The following NELL2 variants were observed in gnomAD, a reference collection of about 807,000 sequenced individuals.
The protein encoded by NELL2 is protein kinase C-binding protein NELL2.
A neutral mutation model predicts 109.6 loss-of-function variants in NELL2; 41 were observed. That is an observed-to-expected ratio of 0.37 (90% CI 0.29 to 0.49). The LOEUF is 0.49. Ranked by LOEUF, NELL2 falls within the 20% of genes least tolerant of loss-of-function variation. The pLI is 0.98. For missense variants in NELL2, 900 were observed against 1,008.3 expected (o/e 0.89, Z 1.45); for synonymous variants, 355 against 344.7 (o/e 1.03, Z -0.33).
intron 15 of NELL2, among the ~76,000 whole-genome samples, chr12:44,562,622 A>T (rs1228229917): frequency 6.6e-6 from 1 of 152,250 alleles, no homozygotes; most frequent in East Asian, 1.9e-4. Context: ...ATGAGATACA[A>T]TTTCACACCA....
chr12:44,627,817 G>A (rs752925600), intron 13 of NELL2, among the ~76,000 whole-genome samples: 3 of 152,170 alleles, frequency 2.0e-5, no homozygotes, highest in Non-Finnish European at 4.4e-5. Flanking sequence ...AAGCTCTTCT[G>A]CAAGTACATT....
At chr12:44,692,014 T>A (rs759837621) in intron 12 of NELL2, among the ~76,000 whole-genome samples, 11 of 152,194 alleles carry the variant, frequency 7.2e-5, no homozygotes, top group African/African-American at 9.7e-5. Flanking sequence ...CCAAGTTAGC[T>A]ACACTAAACA....
intron 3 of NELL2, among the ~76,000 whole-genome samples, chr12:44,797,959 T>G (rs77899939): frequency 0.013 from 470 of 35,184 alleles, 29 homozygotes; most frequent in African/African-American, 0.025. Context: ...TGGAATAAAA[T>G]CATTCCATCC....
rs934947913 is a variant in NELL2, at chr12:44,906,821, G to A, written c.38+6978C>T. 3.3e-5 allele frequency among the ~76,000 whole-genome samples: 5 copies of A among 152,050 alleles called. No homozygotes were observed. The East Asian group carries it at 9.6e-4, about 29-fold the overall frequency. On this transcript the variant is annotated intron_variant, in intron 1 of 20. Coordinates refer to the NELL2 transcript ENST00000333837. The stretch of plus-strand genomic sequence containing the variant: ...CTGGCAGCTGGAGTTTAATGATTGA[G>A]ATTTAAAGGAAAGAAACACATAAGA...
intron 15 of NELL2, among the ~76,000 whole-genome samples, chr12:44,565,932 GAATCACTGGAAGCAGGAT>G (rs1592129705): frequency 1.3e-5 from 2 of 152,110 alleles, no homozygotes; most frequent in East Asian, 3.9e-4. Context: ...TCCTAATAGG[GAATCACTGGAAGCAGGAT>G]AGTGATTGGT....
upstream of NELL2, among the ~76,000 whole-genome samples, chr12:44,877,255 G>A (rs1592698079): frequency 6.6e-6 from 1 of 152,310 alleles, no homozygotes; most frequent in East Asian, 1.9e-4. Context: ...CACTCATGCA[G>A]GCTCTACCTG....
chr12:44,687,314 C>G (rs557263418), intron 12 of NELL2, among the ~76,000 whole-genome samples: 7 of 152,302 alleles, frequency 4.6e-5, no homozygotes, highest in Non-Finnish European at 1.0e-4. Context: ...CTGGCACTCC[C>G]TAGTGAGATG....
chr12:44,628,740 G>T (rs1296347428), intron 13 of NELL2, among the ~76,000 whole-genome samples: 1 of 152,080 alleles, frequency 6.6e-6, no homozygotes, highest in Non-Finnish European at 1.5e-5. Context: ...TAATCTGCCT[G>T]CTCGCCCCAC....
chr12:44,621,269 C>T (rs1462347278), intron 13 of NELL2, among the ~76,000 whole-genome samples: 2 of 152,156 alleles, frequency 1.3e-5, no homozygotes, highest in African/African-American at 4.8e-5. Flanking sequence ...GAGACTCTCT[C>T]AGTCTCATTT....
chr12:44,843,015 C>A (rs113261200), intron 2 of NELL2, among the ~76,000 whole-genome samples: 229 of 152,246 alleles, frequency 1.5e-3, no homozygotes, highest in African/African-American at 5.2e-3. Flanking sequence ...GAATAAATTT[C>A]TGTTGTTTTA....
At chr12:44,596,554 A>G (rs1431629149) in intron 15 of NELL2, among the ~76,000 whole-genome samples, 1 of 152,164 alleles carries the variant, frequency 6.6e-6, no homozygotes, top group East Asian at 1.9e-4. Flanking sequence ...ATTAACTAAT[A>G]TAATTCTCTC....
chr12:44,783,036 CACTT>C (rs1226240751), intron 3 of NELL2, among the ~76,000 whole-genome samples: 1 of 151,800 alleles, frequency 6.6e-6, no homozygotes, highest in Admixed American at 6.6e-5. Context: ...AAATTTAAAT[CACTT>C]AGAGTATGCT....
intron 2 of NELL2, among the ~76,000 whole-genome samples, chr12:44,839,009 G>A (rs1222020120): frequency 1.3e-5 from 2 of 152,184 alleles, no homozygotes; most frequent in African/African-American, 4.8e-5. Context: ...ACTGCAAGAT[G>A]GCAATTTACA....
chr12:44,642,759 G>A (rs2136302592), intron 13 of NELL2, among the ~76,000 whole-genome samples: 1 of 152,264 alleles, frequency 6.6e-6, no homozygotes, highest in Admixed American at 6.5e-5. Context: ...GTGTGCACCT[G>A]TAATCCCAGC....
At chr12:44,531,429 C>T (rs1332599324) in intron 16 of NELL2, among the ~76,000 whole-genome samples, 4 of 152,310 alleles carry the variant, frequency 2.6e-5, no homozygotes, top group South Asian at 4.1e-4. Context: ...AATGTTCACT[C>T]TGGAACATTC....
rs144943268 is a variant in NELL2, at chr12:44,776,108, A to T, written c.805T>A (p.Tyr269Asn). 6.2e-7 allele frequency: 1 copy of T among 1,613,998 alleles called. No individual in the cohort carries two copies. The highest frequency in any genetic ancestry group is 8.5e-7 in the Non-Finnish European group (1 of 1,179,996). ...TTCATGGTGCAAGTCCTTTCACAAT[A>T]GCACTGATCCAATCTATTCATTCGC... ...EQRMNRLDQC[Y>N]CERTCTMKGT... Residue 269 changes from tyrosine to asparagine, a missense_variant, in exon 8 of 20, where the codon TAT becomes AAT. By Grantham distance (143) the Tyr-to-Asn change is moderately radical. Coordinates refer to ENST00000429094, the MANE Select transcript of NELL2 (RefSeq NM_001145108.2).
intron 9 of NELL2, among the ~76,000 whole-genome samples, chr12:44,723,780 T>C (rs1440021707): frequency 6.6e-6 from 1 of 152,176 alleles, no homozygotes; most frequent in Non-Finnish European, 1.5e-5. Flanking sequence ...GGAACTCTTA[T>C]ACACTGTTGG....
At chr12:44,773,508 T>C (rs928125798) in intron 9 of NELL2, among the ~76,000 whole-genome samples, 3 of 151,972 alleles carry the variant, frequency 2.0e-5, no homozygotes, top group Non-Finnish European at 4.4e-5. Flanking sequence ...AGGCAAAAAG[T>C]ATGATTCCTT....
In NELL2 at chr12:44,644,604, G is replaced by GTATA. The variant is rs1555190872; in HGVS notation, c.1444+20879_1444+20880insTATA. 3.0e-3 allele frequency among the ~76,000 whole-genome samples: 247 copies of GTATA among 81,182 alleles called. 4 individuals carry two copies. The highest frequency in any genetic ancestry group is 0.029 in the East Asian group (66 of 2,252). 53.3% of individuals were successfully genotyped at this position (81,182 alleles called of 152,430 possible). ...AGTATATATATATATATATATATAT[G>GTATA]TATGTATATATATATATATATACAT... On this transcript the variant is annotated intron_variant, in intron 13 of 19. Coordinates refer to ENST00000429094, the MANE Select transcript of NELL2 (RefSeq NM_001145108.2).
Sources: allele counts gnomAD v4.1 joint callset (sites outside exome capture counted in the v4.1 genomes callset), GRCh38; gene constraint gnomAD v4.1.1; transcripts MANE v1.5; gene names NCBI Gene and HGNC (gene_info 2026-07-23, HGNC 2026-07-21).